The following SPMAP2L variants were observed in gnomAD, a reference collection of about 807,000 sequenced individuals.
SPMAP2L encodes the protein sperm microtubule associated protein 2 like, also known as sperm microtubule associated protein 2-like.
chr4:56,617,038 AC>A, the SPMAP2L span, among the ~76,000 whole-genome samples: 3 of 152,188 alleles, frequency 2.0e-5, no homozygotes, highest in Non-Finnish European at 4.4e-5. Context: ...CTCGAATAGT[AC>A]GGAACCCTAT....
the SPMAP2L span, among the ~76,000 whole-genome samples, chr4:56,568,359 T>C: frequency 2.6e-5 from 4 of 152,186 alleles, no homozygotes. Flanking sequence ...GTACCAAATA[T>C]TGTGAATTTT....
At chr4:56,596,438 C>A in the SPMAP2L span, 1 of 1,418,608 alleles carries the variant, frequency 7.0e-7, no homozygotes, top group Non-Finnish European at 9.2e-7. Context: ...ACTTTGTAAT[C>A]TTGAACTAAA....
the SPMAP2L span, chr4:56,593,149 C>A: frequency 2.5e-6 from 4 of 1,569,974 alleles, no homozygotes; most frequent in Non-Finnish European, 3.5e-6. Flanking sequence ...ATACTCCATA[C>A]CAGCCTGAGG....
the SPMAP2L span, among the ~76,000 whole-genome samples, chr4:56,564,502 G>T: frequency 0.089 from 13,538 of 151,940 alleles, 614 homozygotes; most frequent in East Asian, 0.14. Flanking sequence ...ATTTTCTTAC[G>T]TTTGATATCT....
the SPMAP2L span, among the ~76,000 whole-genome samples, chr4:56,616,199 T>C: frequency 6.6e-6 from 1 of 152,228 alleles, no homozygotes; most frequent in African/African-American, 2.4e-5. Context: ...GGGGTTGTTT[T>C]CTTCTGAGAT....
At chr4:56,609,050 C>CTTTTTTTTT in the SPMAP2L span, among the ~76,000 whole-genome samples, 2 of 115,608 alleles carry the variant, frequency 1.7e-5, no homozygotes, top group Non-Finnish European at 3.7e-5. Flanking sequence ...TTCTTTCTTT[C>CTTTTTTTTT]TTTTTTTTTT....
chr4:56,617,339 A>G, the SPMAP2L span, among the ~76,000 whole-genome samples: 1 of 152,224 alleles, frequency 6.6e-6, no homozygotes, highest in Non-Finnish European at 1.5e-5. Context: ...TACTTGGTCT[A>G]TTATTGACCA....
chr4:56,568,020 C>T, the SPMAP2L span, among the ~76,000 whole-genome samples: 2 of 152,114 alleles, frequency 1.3e-5, no homozygotes. Context: ...TGTTTCCTCA[C>T]CTCTGTGTTT....
the SPMAP2L span, chr4:56,596,373 G>A: frequency 1.0e-6 from 1 of 959,890 alleles, no homozygotes; most frequent in Non-Finnish European, 1.4e-6. Flanking sequence ...GTTACTGCAA[G>A]ATTCCCACCC....
the SPMAP2L span, among the ~76,000 whole-genome samples, chr4:56,592,403 A>G: frequency 6.4e-3 from 977 of 152,240 alleles, 12 homozygotes; most frequent in African/African-American, 0.022. Context: ...GTTATTTGCT[A>G]TTGCCTCAAT....
At chr4:56,607,602 C>T in the SPMAP2L span, among the ~76,000 whole-genome samples, 23 of 152,074 alleles carry the variant, frequency 1.5e-4, no homozygotes, top group Non-Finnish European at 2.9e-4. Context: ...GCATTAAGGG[C>T]GATTTCTGGT....
the SPMAP2L span, among the ~76,000 whole-genome samples, chr4:56,532,298 T>C: frequency 1.3e-5 from 2 of 152,118 alleles, no homozygotes; most frequent in Non-Finnish European, 2.9e-5. Flanking sequence ...TTTCTTACAA[T>C]GGATCTATTG....
chr4:56,559,591 A>G, the SPMAP2L span: 1 of 1,377,634 alleles, frequency 7.3e-7, no homozygotes, highest in Admixed American at 2.9e-5. Context: ...TTTTTGAGAC[A>G]GAGTCTCACA....
chr4:56,533,126 T>G, the SPMAP2L span, among the ~76,000 whole-genome samples: 1 of 152,182 alleles, frequency 6.6e-6, no homozygotes. Context: ...TCTTGCCTTG[T>G]TAAATCGAAC....
At chr4:56,603,783 A>G in the SPMAP2L span, among the ~76,000 whole-genome samples, 1 of 152,208 alleles carries the variant, frequency 6.6e-6, no homozygotes, top group Non-Finnish European at 1.5e-5. Flanking sequence ...TACTTAGAAA[A>G]AACACTGAAA....
At chr4:56,533,655 CAT>C in the SPMAP2L span, among the ~76,000 whole-genome samples, 1 of 151,972 alleles carries the variant, frequency 6.6e-6, no homozygotes, top group African/African-American at 2.4e-5. Flanking sequence ...AGCATACAAA[CAT>C]GTGCAATGGA....
the SPMAP2L span, among the ~76,000 whole-genome samples, chr4:56,565,463 C>T: frequency 6.6e-6 from 1 of 152,174 alleles, no homozygotes; most frequent in African/African-American, 2.4e-5. Flanking sequence ...TGGAAAGTTA[C>T]ACACCTGACC....
chr4:56,617,173 T>G, the SPMAP2L span, among the ~76,000 whole-genome samples: 1 of 152,194 alleles, frequency 6.6e-6, no homozygotes, highest in Non-Finnish European at 1.5e-5. Context: ...AGCCTGTTGC[T>G]CCTCAGCTAC....
the SPMAP2L span, among the ~76,000 whole-genome samples, chr4:56,553,825 T>G: frequency 1.3e-5 from 2 of 152,200 alleles, no homozygotes; most frequent in African/African-American, 4.8e-5. Flanking sequence ...GTGTTCCAAC[T>G]ATTCATTTCT....
Sources: allele counts gnomAD v4.1 joint callset (sites outside exome capture counted in the v4.1 genomes callset), GRCh38; gene constraint gnomAD v4.1.1; transcripts MANE v1.5; gene names NCBI Gene and HGNC (gene_info 2026-07-23, HGNC 2026-07-21).